Variants in CACNA1C observed in about 807,000 individuals in gnomAD.
CACNA1C encodes the protein voltage-dependent L-type calcium channel subunit alpha-1C.
In CACNA1C, 30 loss-of-function variants were observed where a neutral mutation model predicts 229.0. The ratio of observed to expected loss-of-function variants is 0.13; its 90% CI spans 0.10 to 0.18. The LOEUF is 0.18. CACNA1C is among the 10% of genes least tolerant of loss of function. CACNA1C has a pLI of 1.00. For missense variants in CACNA1C, 1,658 were observed against 2,845.0 expected (o/e 0.58, Z 9.49); for synonymous variants, 1,114 against 1,132.5 (o/e 0.98, Z 0.33).
At chr12:2,386,234 C>T (rs936350499) in intron 3 of CACNA1C, among the ~76,000 whole-genome samples, 1 of 152,030 alleles carries the variant, frequency 6.6e-6, no homozygotes, top group Non-Finnish European at 1.5e-5. Context: ...CAGCCCCTGC[C>T]CCCCAACAAG....
At position 1,984,776 on chromosome 12, in the gene CACNA1C, G is replaced by A. The variant is rs114822676; in HGVS notation, c.139+13575G>A. Among the ~76,000 whole-genome samples, 481 of 84,710 alleles carry A rather than the reference G, an allele frequency of 5.7e-3. 2 individuals are homozygous for A. Among genetic ancestry groups the A allele is most frequent in the African/African-American group, 0.02 (426 of 21,330 alleles). 55.6% of individuals were successfully genotyped at this position (84,710 alleles called of 152,430 possible). A position where few individuals can be genotyped will look rare whatever the true frequency, so the allele number is the denominator to read the frequency against. On this transcript the variant is annotated intron_variant, in intron 1 of 46. Transcript: ENST00000682462. ...GCATTTATTCTACAGTGGGTCTTCTGGTAAAAAAAAAAAAAAAAAAAAAAA... is the reference window on the plus strand; with the variant it reads ...GCATTTATTCTACAGTGGGTCTTCTAGTAAAAAAAAAAAAAAAAAAAAAAA...
chr12:2,219,046 A>G (rs998871332), intron 3 of CACNA1C, among the ~76,000 whole-genome samples: 7 of 152,190 alleles, frequency 4.6e-5, no homozygotes, highest in African/African-American at 1.7e-4. Context: ...TTGAGTATGA[A>G]CCAATGCTGA....
intron 3 of CACNA1C, among the ~76,000 whole-genome samples, chr12:2,312,214 A>G (rs1217173167): frequency 6.6e-6 from 1 of 152,176 alleles, no homozygotes; most frequent in Non-Finnish European, 1.5e-5. Context: ...AAATGCTGAT[A>G]TGTGGTTGCC....
intron 3 of CACNA1C, among the ~76,000 whole-genome samples, chr12:2,380,390 G>A (rs1644268709): frequency 6.6e-6 from 1 of 152,184 alleles, no homozygotes; most frequent in Non-Finnish European, 1.5e-5. Flanking sequence ...AGCAGTACCT[G>A]GACAATGGTA....
At chr12:2,435,703 G>A (rs914031739) in intron 3 of CACNA1C, among the ~76,000 whole-genome samples, 1 of 152,172 alleles carries the variant, frequency 6.6e-6, no homozygotes, top group African/African-American at 2.4e-5. Context: ...GACCTTGATG[G>A]CATTCAGTGC....
At chr12:2,360,278 C>G (rs1263410817) in intron 3 of CACNA1C, among the ~76,000 whole-genome samples, 2 of 151,450 alleles carry the variant, frequency 1.3e-5, no homozygotes, top group Non-Finnish European at 2.9e-5. Context: ...AATGCCTCCC[C>G]CGGATTCCTC....
intron 1 of CACNA1C, among the ~76,000 whole-genome samples, chr12:2,113,528 C>A (rs955919927): frequency 6.6e-6 from 1 of 152,304 alleles, no homozygotes; most frequent in South Asian, 2.1e-4. Flanking sequence ...AGACCCTGTG[C>A]ACATGGACCA....
chr12:2,301,710 A>C (rs1592138598), intron 3 of CACNA1C, among the ~76,000 whole-genome samples: 2 of 152,096 alleles, frequency 1.3e-5, no homozygotes, highest in South Asian at 4.2e-4. Flanking sequence ...CTTTGGAAAA[A>C]ACTGGAGTGA....
chr12:2,288,739 C>A (rs903027213), intron 3 of CACNA1C: 1 of 152,208 alleles, frequency 6.6e-6, no homozygotes, highest in Non-Finnish European at 1.5e-5. Flanking sequence ...CACCCTGCTG[C>A]GGGATGCCAG....
In CACNA1C at chr12:2,382,556, T is replaced by C. The variant is rs548051442; in HGVS notation, c.478-66420T>C. Among the ~76,000 whole-genome samples, 69 of 152,308 alleles carry C rather than the reference T, an allele frequency of 4.5e-4. 1 individual carries two copies. The highest frequency in any genetic ancestry group is 1.6e-3 in the African/African-American group (67 of 41,566). On this transcript the variant is annotated intron_variant, in intron 3 of 46. Transcript: ENST00000399655. ...AAATTGGCAATTCACATTTCAATCC[T>C]GTGCTGCTTGTGTCTGAATCATATC... is the stretch of plus-strand genomic sequence containing the variant.
rs1214000915 is a variant in CACNA1C, at chr12:2,608,951, T to C, written c.3558+239T>C. ...AGCCAACAAATATCTATGAAGCTTC[T>C]ACTTAAGGATACTCTATGATAGGTT... On this transcript the variant is annotated intron_variant, in intron 27 of 46. Transcript: ENST00000399655. The surrounding 1 kb of genome is among the most constrained non-coding windows in gnomAD (Gnocchi z 4.2). Among the ~76,000 whole-genome samples, 1 of 152,196 alleles carries C rather than the reference T, an allele frequency of 6.6e-6. No individual in the cohort carries two copies. Among genetic ancestry groups the C allele is most frequent in the African/African-American group, 2.4e-5 (1 of 41,466 alleles).
intron 1 of CACNA1C, among the ~76,000 whole-genome samples, chr12:2,010,511 G>A (rs2044223133): frequency 6.6e-6 from 1 of 152,166 alleles, no homozygotes; most frequent in Admixed American, 6.5e-5. Flanking sequence ...TTGACCTGGA[G>A]GGGGACTGGG....
rs143623234 is a variant in CACNA1C, at chr12:2,072,347, C to T, written c.49+18736C>T. 2.6e-3 allele frequency among the ~76,000 whole-genome samples: 390 copies of T among 152,162 alleles called. 3 individuals carry two copies. The highest frequency in any genetic ancestry group is 8.1e-3 in the African/African-American group (337 of 41,514). ...CTGAGTAGCTGGGACTACAGGCACACGCCACCGTGCCTGGCTAATTTTTTT... is the reference window on the plus strand; with the variant it reads ...CTGAGTAGCTGGGACTACAGGCACATGCCACCGTGCCTGGCTAATTTTTTT... On this transcript the variant is annotated intron_variant, in intron 1 of 46. Coordinates refer to ENST00000399655, the MANE Select transcript of CACNA1C (RefSeq NM_000719.7).
At chr12:2,083,133 A>G (rs1328752011) in intron 1 of CACNA1C, among the ~76,000 whole-genome samples, 1 of 152,176 alleles carries the variant, frequency 6.6e-6, no homozygotes, top group Admixed American at 6.5e-5. Flanking sequence ...CTTCTCACAC[A>G]CTGTCATCAT....
chr12:2,343,482 A>G (rs539589112), intron 3 of CACNA1C, among the ~76,000 whole-genome samples: 1 of 152,332 alleles, frequency 6.6e-6, no homozygotes, highest in South Asian at 2.1e-4. Flanking sequence ...ATAGACAACA[A>G]ATAATTTTTT....
intron 38 of CACNA1C, among the ~76,000 whole-genome samples, chr12:2,671,876 G>A (rs2153743049): frequency 6.6e-6 from 1 of 150,534 alleles, no homozygotes; most frequent in East Asian, 1.9e-4. Flanking sequence ...ACCCAAGGGT[G>A]AGCCTTCATC....
At chr12:2,673,465 TAAAAAAAAAAA>T (rs527320564) in intron 38 of CACNA1C, among the ~76,000 whole-genome samples, 2 of 100,694 alleles carry the variant, frequency 2.0e-5, no homozygotes, top group Non-Finnish European at 4.4e-5. Flanking sequence ...AACTTCCGTC[TAAAAAAAAAAA>T]AAAAAAAAGA....
At chr12:2,362,497 C>T (rs1307524577) in intron 3 of CACNA1C, among the ~76,000 whole-genome samples, 1 of 152,178 alleles carries the variant, frequency 6.6e-6, no homozygotes, top group Non-Finnish European at 1.5e-5. Context: ...TCTAGCTAAT[C>T]CTCAACATTG....
intron 3 of CACNA1C, among the ~76,000 whole-genome samples, chr12:2,382,380 CTT>C (rs1268307028): frequency 1.3e-5 from 2 of 152,178 alleles, no homozygotes; most frequent in Admixed American, 6.5e-5. Context: ...ACAAAATTGT[CTT>C]TAAATATTTT....
Sources: allele counts gnomAD v4.1 joint callset (sites outside exome capture counted in the v4.1 genomes callset), GRCh38; gene constraint gnomAD v4.1.1; non-coding constraint Gnocchi (gnomAD v3.1); transcripts MANE v1.5; gene names NCBI Gene and HGNC (gene_info 2026-07-23, HGNC 2026-07-21).